The following SCFD1 variants were observed in gnomAD, a reference collection of about 807,000 sequenced individuals.
The protein encoded by SCFD1 is sec1 family domain-containing protein 1.
In SCFD1, 37 loss-of-function variants were observed where a neutral mutation model predicts 103.2. The observed-to-expected ratio is 0.36, with a 90% confidence interval of 0.28 to 0.47. The LOEUF is 0.47. Ranked by LOEUF, SCFD1 falls within the 20% of genes least tolerant of loss-of-function variation. The pLI is 1.00. For missense variants in SCFD1, 639 were observed against 761.2 expected, an observed-to-expected ratio of 0.84 and a Z score of 1.89; for synonymous variants, 264 against 245.0, an observed-to-expected ratio of 1.08 and a Z score of -0.73.
chr14:30,666,496 G>A (rs1456961896), intron 10 of SCFD1, among the ~76,000 whole-genome samples: 2 of 152,120 alleles, frequency 1.3e-5, no homozygotes, highest in African/African-American at 4.8e-5. Flanking sequence ...AAGAACTAGA[G>A]AAGCAAGAGC....
At chr14:30,681,204 G>A (rs1466206885) in intron 14 of SCFD1, among the ~76,000 whole-genome samples, 4 of 145,628 alleles carry the variant, frequency 2.7e-5, no homozygotes, top group African/African-American at 7.7e-5. Context: ...CTGAGTGACA[G>A]AGTGAGACTC....
chr14:30,697,053 T>C (rs879731785), intron 15 of SCFD1, among the ~76,000 whole-genome samples: 9 of 151,796 alleles, frequency 5.9e-5, no homozygotes, highest in Non-Finnish European at 1.2e-4. Flanking sequence ...CAGAAATAAA[T>C]ATAGATTGTA....
chr14:30,664,386 A>G (rs1450809835), intron 10 of SCFD1, among the ~76,000 whole-genome samples: 1 of 152,162 alleles, frequency 6.6e-6, no homozygotes, highest in Non-Finnish European at 1.5e-5. Context: ...CCAAAACTGC[A>G]TCTGTAGGTC....
intron 8 of SCFD1, among the ~76,000 whole-genome samples, chr14:30,650,161 C>G (rs1370319661): frequency 2.6e-5 from 4 of 152,148 alleles, no homozygotes; most frequent in Non-Finnish European, 5.9e-5. Flanking sequence ...TTCCATTTCT[C>G]TTCTGAGGCT....
At chr14:30,702,425 G>A in intron 17 of SCFD1, 50 bp downstream of exon 17, 1 of 1,152,920 alleles carries the variant, frequency 8.7e-7, no homozygotes, top group Non-Finnish European at 1.2e-6. Context: ...GAGTACAATT[G>A]AGGCTTCATT....
intron 15 of SCFD1, among the ~76,000 whole-genome samples, chr14:30,695,512 G>T (rs930581392): frequency 5.9e-5 from 9 of 152,006 alleles, no homozygotes; most frequent in Non-Finnish European, 1.2e-4. Context: ...GGAGAGAGGT[G>T]GAGGGATGAA....
intron 23 of SCFD1, chr14:30,734,425 T>A (rs2139453993): frequency 4.3e-6 from 1 of 235,198 alleles, no homozygotes; most frequent in African/African-American, 2.2e-5. Context: ...ATAAAGAAAC[T>A]CGAATGTATT....
At chr14:30,668,686 C>T (rs949172236) in intron 10 of SCFD1, among the ~76,000 whole-genome samples, 2 of 152,056 alleles carry the variant, frequency 1.3e-5, no homozygotes, top group Non-Finnish European at 2.9e-5. Context: ...CTACAAAGAA[C>T]GTAAACAAAT....
intron 17 of SCFD1, among the ~76,000 whole-genome samples, chr14:30,704,361 A>G (rs1891324061): frequency 6.6e-6 from 1 of 152,100 alleles, no homozygotes; most frequent in Non-Finnish European, 1.5e-5. Flanking sequence ...AAACTGGGAA[A>G]TCATTTTTAG....
rs751478608 is a variant in SCFD1 at position 30,628,271 on chromosome 14, G to A, written c.124G>A (p.Val42Ile). 1 of 1,606,144 alleles carries A rather than the reference G, an allele frequency of 6.2e-7. No homozygotes were observed. The highest frequency in any genetic ancestry group is 1.1e-5 in the South Asian group (1 of 90,662). ...PHIKNSTGEP[V>I]WKVLIYDRFG... ...TATTAAAAACAGCACAGGAGAACCA[G>A]TATGGAAGGTAAGAGTTTATCTTAA... Residue 42 changes from valine to isoleucine, a missense_variant, in exon 2 of 25, where the codon GTA (valine) becomes ATA (isoleucine). Val to Ile is a conservative substitution (Grantham distance 29). Coordinates refer to ENST00000458591, the MANE Select transcript of SCFD1 (RefSeq NM_016106.4).
chr14:30,715,154 A>G (rs1409619274), intron 19 of SCFD1: 3 of 152,242 alleles, frequency 2.0e-5, no homozygotes, highest in African/African-American at 7.2e-5. Context: ...TTTCCTAAGT[A>G]CAAAAAATAC....
chr14:30,718,246 T>C (rs532056078), intron 20 of SCFD1, among the ~76,000 whole-genome samples: 2 of 152,294 alleles, frequency 1.3e-5, no homozygotes, highest in African/African-American at 2.4e-5. Context: ...ACCAGAAACC[T>C]ACTACTGCTA....
At chr14:30,684,671 A>G (rs906135683) in intron 14 of SCFD1, among the ~76,000 whole-genome samples, 2 of 147,704 alleles carry the variant, frequency 1.4e-5, no homozygotes, top group East Asian at 2.0e-4. Context: ...TATATAATCT[A>G]TATTCCACGC....
At chr14:30,730,375 G>T (rs1178639353) in intron 23 of SCFD1, among the ~76,000 whole-genome samples, 1 of 152,212 alleles carries the variant, frequency 6.6e-6, no homozygotes, top group Non-Finnish European at 1.5e-5. Flanking sequence ...TATATACCCA[G>T]TAATGGGATG....
intron 19 of SCFD1, 44 bp from the exon 20 acceptor site, chr14:30,715,880 C>A: frequency 9.2e-7 from 1 of 1,086,682 alleles, no homozygotes; most frequent in Non-Finnish European, 1.4e-6. Context: ...TAGAGAAGAA[C>A]TTTGGTTTAA....
chr14:30,716,627 G>A (rs1202334442), intron 20 of SCFD1, among the ~76,000 whole-genome samples: 1 of 152,286 alleles, frequency 6.6e-6, no homozygotes, highest in East Asian at 1.9e-4. Context: ...ATCAAAAACA[G>A]GCAGCATGAG....
chr14:30,729,026 T>C (rs1342319140), intron 23 of SCFD1, among the ~76,000 whole-genome samples: 1 of 152,038 alleles, frequency 6.6e-6, no homozygotes, highest in African/African-American at 2.4e-5. Flanking sequence ...TCCCAGAGTG[T>C]TGGGATTACA....
Position 30,634,158 on chromosome 14 carries a change from T to C in SCFD1, c.312+121T>C, listed in dbSNP as rs1884467418. On this transcript the variant is annotated intron_variant, in intron 4 of 24. Transcript: ENST00000458591. ...TCCTATGCCTACTTTCTCACTCTGATTTTTGAGACTATCTTTGAATTCCAA... is the reference window on the plus strand; with the variant it reads ...TCCTATGCCTACTTTCTCACTCTGACTTTTGAGACTATCTTTGAATTCCAA... The C allele has an allele frequency of 5.0e-6, 3 of 597,774 alleles. No homozygotes were observed. In the Admixed American group the frequency reaches 9.5e-5, roughly 19 times the overall value. 37.0% of individuals were successfully genotyped at this position (597,774 alleles called of 1,614,324 possible). A position where few individuals can be genotyped will look rare whatever the true frequency, so the allele number is the denominator to read the frequency against.
intron 22 of SCFD1, 145 bp from the exon 23 acceptor site, chr14:30,722,348 TG>T (rs1484367471): frequency 7.9e-5 from 44 of 553,752 alleles, no homozygotes; most frequent in East Asian, 7.1e-4. Flanking sequence ...ATTTATAAAT[TG>T]ACTTTTTAGA....
Sources: gnomAD v4.1 joint callset for allele counts (sites outside exome capture counted in the v4.1 genomes callset) on GRCh38, gnomAD v4.1.1 for gene constraint, MANE v1.5 for transcripts, NCBI Gene and HGNC (gene_info 2026-07-23, HGNC 2026-07-21) for gene names.